The following KCTD2 variants were observed in gnomAD, a reference collection of about 807,000 sequenced individuals.
The protein encoded by KCTD2 is BTB/POZ domain-containing protein KCTD2.
In KCTD2, 18 loss-of-function variants were observed where a neutral mutation model predicts 27.9. The ratio of observed to expected loss-of-function variants is 0.64; its 90% CI spans 0.45 to 0.96. The LOEUF is 0.96. KCTD2 is among the 40% of genes least tolerant of loss of function. The probability of loss-of-function intolerance (pLI) is 0.00; values close to 1 mark genes in which losing one functional copy is unlikely to be tolerated. For missense variants in KCTD2, 280 were observed against 348.0 expected (o/e 0.80, Z 1.56); for synonymous variants, 175 against 148.4 (o/e 1.18, Z -1.30).
rs530593941 is a variant in KCTD2 at position 75,055,458 on chromosome 17, G to A, written c.540+2353G>A. ...AGGCCAGGTATGGTGGCTCACGCCT[G>A]TAATCCCAGCACTCTGGGAGGCTGA... On this transcript the variant is annotated intron_variant, in intron 3 of 5. Coordinates refer to ENST00000322444, the MANE Select transcript of KCTD2 (RefSeq NM_015353.3). Among the ~76,000 whole-genome samples, 140 of 151,084 alleles carry A rather than the reference G, an allele frequency of 9.3e-4. 2 individuals are homozygous for A. The highest frequency in any genetic ancestry group is 1.9e-3 in the Non-Finnish European group (131 of 67,714).
In KCTD2 at chr17:75,062,107, C is replaced by T. The variant is rs941777578; in HGVS notation, c.637-13C>T. On this transcript the variant is annotated splice_polypyrimidine_tract_variant and intron_variant, in intron 4 of 5. Transcript: ENST00000322444. ...TTGCCACATGAATGTTCACTGTATT[C>T]TTGGTTCATCAGCTCATCAGCATCG... is the stretch of plus-strand genomic sequence containing the variant. 3.7e-6 allele frequency: 6 copies of T among 1,613,766 alleles called. No homozygotes were observed. The highest frequency in any genetic ancestry group is 5.1e-6 in the Non-Finnish European group (6 of 1,179,842).
At chr17:75,035,222 C>G (rs924755145) in intron 2 of KCTD2, 1 of 152,118 alleles carries the variant, frequency 6.6e-6, no homozygotes, top group Non-Finnish European at 1.5e-5. Context: ...TCTTCCCTCC[C>G]TTGTTTTAGA....
chr17:75,052,935 A>G (rs1338616966), intron 2 of KCTD2, 79 bp from the exon 3 acceptor site: 2 of 1,006,312 alleles, frequency 2.0e-6, no homozygotes, highest in South Asian at 1.3e-5. Context: ...TTTAGCAAGC[A>G]TGTAACCTTC....
chr17:75,041,360 A>G (rs2073158133), intron 3 of KCTD2: 2 of 151,116 alleles, frequency 1.3e-5, no homozygotes, highest in African/African-American at 4.9e-5. Flanking sequence ...AACTCAAAAA[A>G]AAAAAAAAAA....
chr17:75,060,718 C>T (rs2073396623), intron 4 of KCTD2: 5 of 912,140 alleles, frequency 5.5e-6, no homozygotes, highest in Admixed American at 6.2e-5. Flanking sequence ...CACTCGCCAC[C>T]CTGGGATCAA....
chr17:75,045,663 T>TTA (rs58586812), upstream of KCTD2, among the ~76,000 whole-genome samples: 20,193 of 152,264 alleles, frequency 0.13, 2,050 homozygotes, highest in East Asian at 0.57. Context: ...GAGTTTAAGG[T>TTA]TCTCTCTTGT....
At chr17:75,052,147 G>C (rs1229998857) in intron 2 of KCTD2, among the ~76,000 whole-genome samples, 1 of 152,212 alleles carries the variant, frequency 6.6e-6, no homozygotes, top group Non-Finnish European at 1.5e-5. Flanking sequence ...CAGGTGCCAG[G>C]TAGGGAAAGG....
intron 2 of KCTD2, among the ~76,000 whole-genome samples, chr17:75,034,514 G>C (rs765681666): frequency 1.3e-5 from 2 of 152,138 alleles, no homozygotes; most frequent in South Asian, 2.1e-4. Context: ...GCGGTAAGAC[G>C]CTAAACCCAC....
At chr17:75,039,190 G>A (rs533657377) in intron 3 of KCTD2, 20 of 1,613,816 alleles carry the variant, frequency 1.2e-5, no homozygotes, top group East Asian at 2.2e-5. Context: ...TATAGGCAAC[G>A]GCTACCCATC....
rs1282085716 is a variant in KCTD2, at chr17:75,065,718, A to T, written c.*2671A>T. Reference sequence around the variant, plus strand: ...GGGAGCAGGGAGCCACGGGATGCTGAGAGAGGAGGCCCGAGAGGACACCCC... The same window carrying T: ...GGGAGCAGGGAGCCACGGGATGCTGTGAGAGGAGGCCCGAGAGGACACCCC... On this transcript the variant is annotated 3_prime_UTR_variant, in exon 6 of 6. Transcript: ENST00000322444. The T allele has an allele frequency of 2.0e-5, 3 of 152,316 alleles. No individual in the cohort carries two copies. Among genetic ancestry groups the T allele is most frequent in the Non-Finnish European group, 2.9e-5 (2 of 68,144 alleles). The allele number at this position is 152,316 out of a possible 1,614,324, so 9.4% of individuals were successfully genotyped here.
At chr17:75,058,447 T>C (rs1157931378) in intron 3 of KCTD2, among the ~76,000 whole-genome samples, 3 of 145,274 alleles carry the variant, frequency 2.1e-5, no homozygotes, top group Non-Finnish European at 4.5e-5. Context: ...GAGGTTGCAG[T>C]GAGCCAAGAT....
upstream of KCTD2, among the ~76,000 whole-genome samples, chr17:75,044,221 C>T (rs1354311400): frequency 2.8e-5 from 3 of 109,030 alleles, no homozygotes; most frequent in Admixed American, 1.6e-4. Context: ...TTTTTTGAGA[C>T]GGAGTCTCGC....
intron 3 of KCTD2, among the ~76,000 whole-genome samples, chr17:75,035,651 C>G (rs2040108787): frequency 1.3e-5 from 2 of 152,154 alleles, no homozygotes; most frequent in Non-Finnish European, 2.9e-5. Flanking sequence ...AACCCCGTCT[C>G]TACTAAAAAT....
intron 2 of KCTD2, among the ~76,000 whole-genome samples, chr17:75,051,085 T>G (rs760839517): frequency 1.3e-4 from 20 of 151,318 alleles, no homozygotes; most frequent in Non-Finnish European, 2.5e-4. Flanking sequence ...GTCATTCTCC[T>G]GCCTCAGCCT....
intron 3 of KCTD2, among the ~76,000 whole-genome samples, chr17:75,057,961 T>G (rs189085293): frequency 6.7e-6 from 1 of 149,042 alleles, no homozygotes; most frequent in Non-Finnish European, 1.5e-5. Context: ...TTGGGAGGCC[T>G]AGGTGGGTGG....
intron 3 of KCTD2, chr17:75,041,933 AAAC>A: frequency 2.7e-6 from 1 of 375,988 alleles, no homozygotes. Flanking sequence ...GAGCAGGTCA[AAAC>A]TCCTGTGCTG....
chr17:75,037,625 CT>C lies in KCTD2; in HGVS notation c.-259+2274del, dbSNP rs555664327. 1.6e-3 allele frequency among the ~76,000 whole-genome samples: 243 copies of C among 152,330 alleles called. 1 individual carries two copies. Among genetic ancestry groups the C allele is most frequent in the African/African-American group, 5.4e-3 (226 of 41,574 alleles). On this transcript the variant is annotated intron_variant, in intron 3 of 7. Coordinates refer to the KCTD2 transcript ENST00000581589. ...AAGGACAATTCTTTCTACCACCATA[CT>C]TTTTTCTTTAAATACTTGCATTACT...
upstream of KCTD2, chr17:75,042,588 G>A (rs1036045441): frequency 4.3e-6 from 7 of 1,612,942 alleles, no homozygotes; most frequent in African/African-American, 9.3e-5. Flanking sequence ...TTTGGTTCTG[G>A]GGTATGATCT....
intron 3 of KCTD2, among the ~76,000 whole-genome samples, chr17:75,054,700 G>C (rs568021517): frequency 6.6e-6 from 1 of 151,936 alleles, no homozygotes; most frequent in African/African-American, 2.4e-5. Flanking sequence ...CCAGCTGCTC[G>C]GGAGGCTGAA....
Sources: gnomAD v4.1 joint callset for allele counts (sites outside exome capture counted in the v4.1 genomes callset) on GRCh38, gnomAD v4.1.1 for gene constraint, MANE v1.5 for transcripts, NCBI Gene and HGNC (gene_info 2026-07-23, HGNC 2026-07-21) for gene names.